METTL15: variants seen among roughly 807,000 people sequenced by gnomAD.
The protein encoded by METTL15 is 12S rRNA N(4)-cytidine methyltransferase METTL15.
A neutral mutation model predicts 38.3 loss-of-function variants in METTL15; 34 were observed. The observed-to-expected ratio is 0.89, with a 90% confidence interval of 0.68 to 1.18. METTL15 has a LOEUF of 1.18. Among genes scored for constraint, METTL15 ranks in the 50% most tolerant of loss-of-function variants. METTL15 has a pLI of 0.00. For missense variants in METTL15, 438 were observed against 498.4 expected (o/e 0.88, Z 1.15); for synonymous variants, 162 against 170.9 (o/e 0.95, Z 0.41).
At chr11:28,316,522 T>C (rs1857486498) in intron 6 of METTL15, among the ~76,000 whole-genome samples, 1 of 152,214 alleles carries the variant, frequency 6.6e-6, no homozygotes, top group Admixed American at 6.5e-5. Flanking sequence ...TGCAGACTTT[T>C]GAGTTACTGC....
At chr11:28,503,882 A>C (rs1257509849) in intron 6 of METTL15, among the ~76,000 whole-genome samples, 1 of 151,700 alleles carries the variant, frequency 6.6e-6, no homozygotes, top group African/African-American at 2.4e-5. Context: ...ATAATTTATG[A>C]TGCATTAGCT....
At chr11:28,339,011 CT>C (rs1014232333) in intron 3 of METTL15, among the ~76,000 whole-genome samples, 1 of 152,122 alleles carries the variant, frequency 6.6e-6, no homozygotes, top group Non-Finnish European at 1.5e-5. Context: ...CTAAGAGGAA[CT>C]TTTGATAGTC....
At position 28,253,764 on chromosome 11, in the gene METTL15, A is replaced by G. The variant is rs929560560; in HGVS notation, c.408-36442A>G. On this transcript the variant is annotated intron_variant, in intron 4 of 6. Transcript: ENST00000407364. ...ATGTTCCTGGCTTATTTCAGTTAAC[A>G]TAATGACCTCCAGTTCCATTCATGG... is the stretch of plus-strand genomic sequence containing the variant. Among the ~76,000 whole-genome samples, 7 of 152,136 alleles carry G rather than the reference A, an allele frequency of 4.6e-5. No homozygotes were observed. In the East Asian group the frequency reaches 1.4e-3, roughly 29 times the overall value.
intron 6 of METTL15, among the ~76,000 whole-genome samples, chr11:28,480,873 C>A (rs1388180050): frequency 2.0e-5 from 3 of 152,124 alleles, no homozygotes; most frequent in Non-Finnish European, 4.4e-5. Context: ...CACTCCTACT[C>A]CCCTGCTGCA....
chr11:28,247,689 C>A (rs2133916882), intron 4 of METTL15, among the ~76,000 whole-genome samples: 1 of 152,214 alleles, frequency 6.6e-6, no homozygotes, highest in Admixed American at 6.5e-5. Flanking sequence ...ACTAAAAACT[C>A]ATTCTCTCGT....
intron 4 of METTL15, among the ~76,000 whole-genome samples, chr11:28,230,236 G>A (rs1014255789): frequency 1.3e-5 from 2 of 151,716 alleles, no homozygotes; most frequent in Non-Finnish European, 2.9e-5. Context: ...ACAAATATAA[G>A]TATAGACCTA....
chr11:28,379,035 T>C (rs774294474), intron 5 of METTL15, among the ~76,000 whole-genome samples: 2 of 152,054 alleles, frequency 1.3e-5, no homozygotes, highest in Non-Finnish European at 2.9e-5. Context: ...TCTCTAATGA[T>C]ACTTTGTATT....
intron 6 of METTL15, among the ~76,000 whole-genome samples, chr11:28,520,194 C>A (rs896107225): frequency 1.3e-5 from 2 of 151,990 alleles, no homozygotes; most frequent in Middle Eastern, 3.2e-3. Flanking sequence ...AAAAGTGAGC[C>A]TGGAGTAGTG....
intron 6 of METTL15, among the ~76,000 whole-genome samples, chr11:28,494,031 C>A (rs1851517265): frequency 6.6e-6 from 1 of 152,230 alleles, no homozygotes; most frequent in Non-Finnish European, 1.5e-5. Context: ...GACCTGGTTT[C>A]TGCCACTTAC....
chr11:28,415,935 G>C (rs1277581427), intron 5 of METTL15, among the ~76,000 whole-genome samples: 4 of 152,064 alleles, frequency 2.6e-5, no homozygotes, highest in Non-Finnish European at 4.4e-5. Context: ...AAAATTTGTG[G>C]GGCCTGAGAT....
chr11:28,508,742 G>A lies in METTL15; in HGVS notation c.*425-17736G>A, dbSNP rs533563306. Among the ~76,000 whole-genome samples, 30 of 152,246 alleles carry A rather than the reference G, an allele frequency of 2.0e-4. No individual in the cohort carries two copies. The South Asian group carries it at 4.6e-3, about 23-fold the overall frequency. On this transcript the variant is annotated intron_variant and NMD_transcript_variant, in intron 6 of 7. Transcript: ENST00000532947. ...ATCATCAGGTTACTCTGGCTTTGGGGGATGCTGATTTAAGAATGGGCTACC... is the reference window on the plus strand; with the variant it reads ...ATCATCAGGTTACTCTGGCTTTGGGAGATGCTGATTTAAGAATGGGCTACC...
chr11:28,301,624 A>T (rs1856915666), intron 6 of METTL15, among the ~76,000 whole-genome samples: 1 of 152,142 alleles, frequency 6.6e-6, no homozygotes. Context: ...TTATAATATT[A>T]CAAAAATAAT....
At chr11:28,171,103 A>G (rs1284675659) in intron 3 of METTL15, among the ~76,000 whole-genome samples, 1 of 152,176 alleles carries the variant, frequency 6.6e-6, no homozygotes, top group Non-Finnish European at 1.5e-5. Context: ...GTTCTGTTCC[A>G]TCTTTGAGCA....
chr11:28,196,200 A>G (rs766569545), intron 3 of METTL15, among the ~76,000 whole-genome samples: 1 of 152,070 alleles, frequency 6.6e-6, no homozygotes, highest in African/African-American at 2.4e-5. Flanking sequence ...TATTGGTTCC[A>G]TATGAATTTT....
intron 2 of METTL15, 121 bp downstream of exon 2, chr11:28,110,522 C>T (rs1197795009): frequency 6.6e-6 from 1 of 152,244 alleles, no homozygotes; most frequent in Non-Finnish European, 1.5e-5. Context: ...CTGACCCTCT[C>T]CCTCTCTTCA....
chr11:28,189,319 G>A (rs1232894781), intron 3 of METTL15, among the ~76,000 whole-genome samples: 1 of 151,116 alleles, frequency 6.6e-6, no homozygotes, highest in Non-Finnish European at 1.5e-5. Flanking sequence ...ATTCTGTCTT[G>A]TGTATCTTCA....
intron 6 of METTL15, among the ~76,000 whole-genome samples, chr11:28,442,499 A>T (rs1851043125): frequency 6.6e-6 from 1 of 152,206 alleles, no homozygotes; most frequent in Non-Finnish European, 1.5e-5. Flanking sequence ...ATTTTGGAGA[A>T]CACGTATACA....
chr11:28,232,899 G>T (rs1853747533), intron 4 of METTL15, among the ~76,000 whole-genome samples: 1 of 151,946 alleles, frequency 6.6e-6, no homozygotes, highest in Non-Finnish European at 1.5e-5. Flanking sequence ...ATATCTAACA[G>T]GGCTTGACCC....
intron 3 of METTL15, among the ~76,000 whole-genome samples, chr11:28,177,546 G>A (rs1851122046): frequency 6.6e-6 from 1 of 152,002 alleles, no homozygotes; most frequent in Non-Finnish European, 1.5e-5. Context: ...CATTTAAGTT[G>A]TATGGATTAG....
Sources: allele counts gnomAD v4.1 joint callset (sites outside exome capture counted in the v4.1 genomes callset), GRCh38; gene constraint gnomAD v4.1.1; transcripts MANE v1.5; gene names NCBI Gene and HGNC (gene_info 2026-07-23, HGNC 2026-07-21).